The following DENND2A variants were observed in gnomAD, a reference collection of about 807,000 sequenced individuals.
DENND2A encodes the protein DENN domain containing 2A, also known as DENN domain-containing protein 2A.
A neutral mutation model predicts 105.3 loss-of-function variants in DENND2A; 53 were observed. The observed-to-expected ratio is 0.50, with a 90% confidence interval of 0.40 to 0.63. The LOEUF is 0.63. Among genes scored for constraint, DENND2A ranks in the 30% least tolerant of loss-of-function variants. DENND2A has a pLI of 0.00. For synonymous variants in DENND2A, 522 were observed against 508.4 expected (o/e 1.03, Z -0.36); for missense variants, 1,138 against 1,279.6 (o/e 0.89, Z 1.69).
intron 14 of DENND2A, among the ~76,000 whole-genome samples, chr7:140,530,130 G>A (rs920352283): frequency 6.6e-6 from 1 of 151,716 alleles, no homozygotes; most frequent in Non-Finnish European, 1.5e-5. Flanking sequence ...AAGCTGAAGT[G>A]TGAAGATTAC....
intron 12 of DENND2A, among the ~76,000 whole-genome samples, chr7:140,551,299 C>CAAAAAAAAAAAAA (rs529992901): frequency 1.4e-5 from 1 of 71,742 alleles, no homozygotes; most frequent in African/African-American, 5.2e-5. Context: ...GACTCCATCT[C>CAAAAAAAAAAAAA]AAAAAAAAAA....
At chr7:140,525,643 AC>A in intron 16 of DENND2A, 107 bp downstream of exon 16, 1 of 1,044,562 alleles carries the variant, frequency 9.6e-7, no homozygotes, top group Non-Finnish European at 1.3e-6. Context: ...CAGCTCTGCC[AC>A]CCTGCTCTGC....
intron 1 of DENND2A, among the ~76,000 whole-genome samples, chr7:140,631,620 CT>C (rs1800735909): frequency 6.6e-6 from 1 of 152,242 alleles, no homozygotes; most frequent in Middle Eastern, 3.4e-3. Flanking sequence ...CACTGGTCCC[CT>C]TCTGATATCC....
intron 1 of DENND2A, among the ~76,000 whole-genome samples, chr7:140,612,811 T>C (rs1799947655): frequency 6.6e-6 from 1 of 151,116 alleles, no homozygotes; most frequent in Non-Finnish European, 1.5e-5. Context: ...CCTGTTACAC[T>C]AAATTTAAAA....
At position 140,639,439 on chromosome 7, in the gene DENND2A, GACACACAC is replaced by G. The variant is rs10611078; in HGVS notation, c.-248+1057_-248+1064del. On this transcript the variant is annotated intron_variant, in intron 1 of 19. Coordinates refer to ENST00000496613, the MANE Select transcript of DENND2A (RefSeq NM_015689.5). ...TTACCAGGCCTCAGAAACCGTCTCTGACACACACACACACACACACTCGCACACTCACA... is the reference window on the plus strand; with the variant it reads ...TTACCAGGCCTCAGAAACCGTCTCTGACACACACACACTCGCACACTCACA... Among the ~76,000 whole-genome samples, 588 of 150,218 alleles carry G rather than the reference GACACACAC, an allele frequency of 3.9e-3. 2 individuals are homozygous for G. Among genetic ancestry groups the G allele is most frequent in the Non-Finnish European group, 5.3e-3 (354 of 67,328 alleles).
At chr7:140,604,760 A>G (rs1799632296) in intron 2 of DENND2A, among the ~76,000 whole-genome samples, 1 of 152,200 alleles carries the variant, frequency 6.6e-6, no homozygotes, top group Non-Finnish European at 1.5e-5. Context: ...TGAGACTTGA[A>G]TCCTGAGTTT....
intron 2 of DENND2A, among the ~76,000 whole-genome samples, chr7:140,604,449 A>G (rs1799623021): frequency 6.6e-6 from 1 of 152,268 alleles, no homozygotes; most frequent in South Asian, 2.1e-4. Context: ...GTGTTTACAA[A>G]GAGAAAATAT....
Position 140,525,741 on chromosome 7 carries a change from C to T in DENND2A, c.2547+10G>A, listed in dbSNP as rs7781255. On this transcript the variant is annotated intron_variant, in intron 16 of 19. Transcript: ENST00000496613. ...AAAGGGAGCAGGAGGCCGTCGCTGG[C>T]CTCACTCACCTGTCTGAGGAACCGG... is the stretch of plus-strand genomic sequence containing the variant. 5.4e-4 allele frequency: 871 copies of T among 1,605,490 alleles called. 5 individuals are homozygous for T. In the African/African-American group the frequency reaches 0.01, roughly 19 times the overall value.
At chr7:140,563,818 A>G (rs898860251) in intron 9 of DENND2A, among the ~76,000 whole-genome samples, 3 of 152,038 alleles carry the variant, frequency 2.0e-5, no homozygotes, top group African/African-American at 7.2e-5. Flanking sequence ...TACGAAAAAT[A>G]AATAAATAAA....
chr7:140,524,639 G>A (rs781500531), intron 16 of DENND2A, among the ~76,000 whole-genome samples: 6 of 151,726 alleles, frequency 4.0e-5, no homozygotes, highest in Non-Finnish European at 7.4e-5. Flanking sequence ...ACAGTGGCAC[G>A]ATCTCAGCTC....
rs189945049 is a variant in DENND2A at position 140,548,281 on chromosome 7, C to G, written c.2038-1342G>C. Among the ~76,000 whole-genome samples, 158 of 137,882 alleles carry G rather than the reference C, an allele frequency of 1.1e-3. 3 individuals are homozygous for G. The South Asian group carries it at 0.025, about 21-fold the overall frequency. 90.5% of individuals were successfully genotyped at this position (137,882 alleles called of 152,430 possible). On this transcript the variant is annotated intron_variant, in intron 12 of 19. Transcript: ENST00000496613. ...GTATGTGAATTATATCTTAATAAAG[C>G]TACTACTAAAAAACTAAAAAAAAAA...
intron 1 of DENND2A, among the ~76,000 whole-genome samples, chr7:140,639,570 G>A (rs1171698554): frequency 6.6e-6 from 1 of 152,064 alleles, no homozygotes; most frequent in Admixed American, 6.5e-5. Context: ...TAAGGAGAAG[G>A]GATTTCTTTC....
rs969712286 is a variant in DENND2A at position 140,539,496 on chromosome 7, A to C, written c.2327+5122T>G. ...TGTGCTAGGGAGACTTTCCTTATAC[A>C]TTTCTGTAAACGGACAGGGCCCCAG... On this transcript the variant is annotated intron_variant, in intron 14 of 19. Transcript: ENST00000496613. Among the ~76,000 whole-genome samples the C allele has an allele frequency of 3.3e-5, 5 of 152,096 alleles. No individual in the cohort carries two copies. The South Asian group carries it at 1.0e-3, about 32-fold the overall frequency.
rs1358561212 is a variant in DENND2A at position 140,519,738 on chromosome 7, C to T, written c.2912-20G>A. The T allele has an allele frequency of 6.2e-7, 1 of 1,611,056 alleles. No individual in the cohort carries two copies. Among genetic ancestry groups the T allele is most frequent in the East Asian group, 2.2e-5 (1 of 44,872 alleles). On this transcript the variant is annotated intron_variant, in intron 18 of 19. Transcript: ENST00000496613. ...ACAGACCTGTTAACAAGAGAAATCC[C>T]AGCCATTTGAGTTCTTGGTCTTTGC...
chr7:140,616,348 C>T (rs1342530313), intron 1 of DENND2A, among the ~76,000 whole-genome samples: 3 of 152,016 alleles, frequency 2.0e-5, no homozygotes, highest in Non-Finnish European at 2.9e-5. Context: ...GGCGACAGAG[C>T]GAGACTCCAT....
chr7:140,550,275 G>A (rs1007174049), intron 12 of DENND2A, among the ~76,000 whole-genome samples: 6 of 151,276 alleles, frequency 4.0e-5, no homozygotes, highest in African/African-American at 1.5e-4. Context: ...TCACTGCAAC[G>A]TCTGCCTCTC....
At chr7:140,617,686 C>G (rs1471063025) in intron 1 of DENND2A, among the ~76,000 whole-genome samples, 1 of 152,152 alleles carries the variant, frequency 6.6e-6, no homozygotes, top group African/African-American at 2.4e-5. Context: ...TGCACTCCAG[C>G]CTGGGTGACA....
intron 4 of DENND2A, 39 bp downstream of exon 4, chr7:140,587,614 A>T: frequency 6.2e-7 from 1 of 1,611,282 alleles, no homozygotes; most frequent in Non-Finnish European, 8.5e-7. Context: ...TTTCTCCCAG[A>T]CAGACTCAGA....
At chr7:140,536,286 T>A (rs955701968) in intron 14 of DENND2A, among the ~76,000 whole-genome samples, 19 of 149,224 alleles carry the variant, frequency 1.3e-4, no homozygotes, top group African/African-American at 4.7e-4. Context: ...AACTGGGAGG[T>A]GGAGGTTGCA....
Sources: allele counts gnomAD v4.1 joint callset (sites outside exome capture counted in the v4.1 genomes callset), GRCh38; gene constraint gnomAD v4.1.1; transcripts MANE v1.5; gene names NCBI Gene and HGNC (gene_info 2026-07-23, HGNC 2026-07-21).